The following WNK1 variants were observed in gnomAD, a reference collection of about 807,000 sequenced individuals.
WNK1 encodes serine/threonine-protein kinase WNK1.
A neutral mutation model predicts 222.8 loss-of-function variants in WNK1; 38 were observed. That is an observed-to-expected ratio of 0.17 (90% CI 0.13 to 0.22). WNK1 has a LOEUF of 0.22. Ranked by LOEUF, WNK1 falls within the 10% of genes least tolerant of loss-of-function variation. The pLI, the probability that WNK1 is intolerant of heterozygous loss-of-function variation, is 1.00. For missense variants in WNK1, 2,348 were observed against 2,918.4 expected, an observed-to-expected ratio of 0.80 and a Z score of 4.50; for synonymous variants, 1,090 against 1,092.9, an observed-to-expected ratio of 1.00 and a Z score of 0.05.
chr12:766,159 C>T (rs890990738), intron 1 of WNK1, among the ~76,000 whole-genome samples: 1 of 151,886 alleles, frequency 6.6e-6, no homozygotes, highest in Non-Finnish European at 1.5e-5. Flanking sequence ...GGTGATAAGG[C>T]GATAAGGTTA....
At chr12:799,048 T>A (rs181647473) in intron 1 of WNK1, among the ~76,000 whole-genome samples, 1 of 152,198 alleles carries the variant, frequency 6.6e-6, no homozygotes, top group South Asian at 2.1e-4. Context: ...TGTAACAACC[T>A]TCCCCCCGTC....
At chr12:865,483 C>T in intron 8 of WNK1, 2 of 1,309,240 alleles carry the variant, frequency 1.5e-6, no homozygotes, top group Non-Finnish European at 2.0e-6. Flanking sequence ...TATTATGCTT[C>T]TAGGATACCA....
At chr12:858,836 T>C (rs1208320680) in intron 5 of WNK1, among the ~76,000 whole-genome samples, 1 of 152,176 alleles carries the variant, frequency 6.6e-6, no homozygotes, top group African/African-American at 2.4e-5. Context: ...ACTTATAAAA[T>C]GCTATATAAA....
chr12:827,323 C>T lies in WNK1; in HGVS notation c.1153+61C>T, dbSNP rs771239498. ...TTCTCACATTCCTTTTATTTAGAAT[C>T]CTGGCTCTGTCAGAGTTTTAAGTGA... is the stretch of plus-strand genomic sequence containing the variant. On this transcript the variant is annotated intron_variant, in intron 3 of 27. Transcript: ENST00000315939. This position sits in a 1 kb window ranked among gnomAD's most constrained non-coding sequence, Gnocchi z 4.6. The T allele has an allele frequency of 2.1e-6, 3 of 1,444,234 alleles. No homozygotes were observed. The highest frequency in any genetic ancestry group is 4.5e-5 in the East Asian group (2 of 44,076). 89.5% of individuals were successfully genotyped at this position (1,444,234 alleles called of 1,614,324 possible).
chr12:884,675 G>A lies in WNK1; in HGVS notation c.3871G>A (p.Gly1291Arg). Reference sequence around the variant, plus strand: ...TGCTGCCTCTACAGCTCAGAGCCCTGGAATGAACTTGTCTCACTCTGCATC... The same window carrying A: ...TGCTGCCTCTACAGCTCAGAGCCCTAGAATGAACTTGTCTCACTCTGCATC... ...TVAASTAQSPGMNLSHSASSL... is the reference protein window; with the variant it reads ...TVAASTAQSPRMNLSHSASSL... Residue 1291 changes from glycine to arginine, a missense_variant, in exon 19 of 28, where the codon GGA (glycine) becomes AGA (arginine). Physicochemically the swap from Gly to Arg is moderately radical, Grantham distance 125. Around this residue, in one of 13 missense-constraint regions of WNK1, gnomAD observed 1,144 missense variants for 1,273.6 expected, o/e 0.90. Coordinates refer to ENST00000315939, the MANE Select transcript of WNK1 (RefSeq NM_018979.4). This position sits in a 1 kb window ranked among gnomAD's most constrained non-coding sequence, Gnocchi z 5.6. 6.2e-7 allele frequency: 1 copy of A among 1,614,124 alleles called. No individual in the cohort carries two copies. Among genetic ancestry groups the A allele is most frequent in the South Asian group, 1.1e-5 (1 of 91,078 alleles).
intron 1 of WNK1, among the ~76,000 whole-genome samples, chr12:785,994 T>C (rs1441338195): frequency 6.6e-6 from 1 of 152,218 alleles, no homozygotes; most frequent in Non-Finnish European, 1.5e-5. Flanking sequence ...AGATCCCTAG[T>C]TTTATATGCC....
At chr12:870,376 A>G (rs1184579787) in intron 8 of WNK1, among the ~76,000 whole-genome samples, 1 of 152,234 alleles carries the variant, frequency 6.6e-6, no homozygotes, top group Non-Finnish European at 1.5e-5. Flanking sequence ...TAGACATACT[A>G]CAGAAGGAAT....
At chr12:867,883 TC>T in intron 8 of WNK1, 1 of 1,614,000 alleles carries the variant, frequency 6.2e-7, no homozygotes, top group Non-Finnish European at 8.5e-7. Context: ...CCATGGCGCA[TC>T]CGTGTGGGGG....
intron 1 of WNK1, among the ~76,000 whole-genome samples, chr12:785,667 G>C (rs1303827826): frequency 6.6e-6 from 1 of 152,214 alleles, no homozygotes; most frequent in African/African-American, 2.4e-5. Context: ...AAAGTGCTGG[G>C]ATTACAAGCG....
chr12:784,437 G>A (rs1229799542), intron 1 of WNK1, among the ~76,000 whole-genome samples: 3 of 152,012 alleles, frequency 2.0e-5, no homozygotes, highest in East Asian at 1.9e-4. Flanking sequence ...TTTAATTTTT[G>A]CCTTTGATGT....
chr12:798,340 C>A (rs1399756737), intron 1 of WNK1, among the ~76,000 whole-genome samples: 1 of 152,020 alleles, frequency 6.6e-6, no homozygotes, highest in Non-Finnish European at 1.5e-5. Context: ...TACAGGCACC[C>A]TCCACCACGC....
rs1316363344 is a variant in WNK1, at chr12:909,625, G to A, written c.*833G>A. 6.6e-6 allele frequency: 1 copy of A among 152,150 alleles called. No homozygotes were observed. The highest frequency in any genetic ancestry group is 1.5e-5 in the Non-Finnish European group (1 of 68,034). The allele number at this position is 152,150 out of a possible 1,614,324, so 9.4% of individuals were successfully genotyped here. On this transcript the variant is annotated 3_prime_UTR_variant, in exon 28 of 28. Transcript: ENST00000315939. ...TCCATTGTATTAGATAAATAAATGT[G>A]AATGTAAAATTGTATAAATTACTGT...
chr12:897,229 T>C (rs1954831184), intron 24 of WNK1, among the ~76,000 whole-genome samples: 1 of 152,084 alleles, frequency 6.6e-6, no homozygotes, highest in Admixed American at 6.6e-5. Flanking sequence ...GCCTCAAAAG[T>C]CAGGAAATGT....
chr12:881,015 G>A lies in WNK1; in HGVS notation c.3111+16G>A, dbSNP rs1953106321. 6.2e-7 allele frequency: 1 copy of A among 1,613,918 alleles called. No homozygotes were observed. On this transcript the variant is annotated intron_variant, in intron 12 of 27. Transcript: ENST00000315939. ...AGTTTTGGAGGTAAATAGAATTACT[G>A]CATGTTTATATGTAAAACGTATATA...
At position 763,602 on chromosome 12, in the gene WNK1, A is replaced by G. The variant is rs1941321562; in HGVS notation, c.759+9278A>G. ...GAAACTCTGTCTCAAAAAAAAAAGA[A>G]AAAGTTATGAATTGTTTATTTCTGG... is the stretch of plus-strand genomic sequence containing the variant. On this transcript the variant is annotated intron_variant, in intron 1 of 27. Transcript: ENST00000315939. Among the ~76,000 whole-genome samples, 3 of 147,122 alleles carry G rather than the reference A, an allele frequency of 2.0e-5. 1 individual carries two copies. In the South Asian group the frequency reaches 6.7e-4, roughly 33 times the overall value.
rs528625380 is a variant in WNK1, at chr12:879,338, T to C, written c.2374-235T>C. 1.6e-4 allele frequency among the ~76,000 whole-genome samples: 25 copies of C among 152,056 alleles called. No homozygotes were observed. In the South Asian group the frequency reaches 3.3e-3, roughly 20 times the overall value. On this transcript the variant is annotated intron_variant, in intron 10 of 27. Transcript: ENST00000315939. ...GCAAATATTTCTATGACAAAAGGTG[T>C]AGAACAGTAATAGTCTATTTAGCCT...
At chr12:857,352 G>C in intron 5 of WNK1, 103 bp downstream of exon 5, 2 of 1,097,854 alleles carry the variant, frequency 1.8e-6, no homozygotes, top group South Asian at 2.6e-5. Flanking sequence ...ATTTGTGATT[G>C]GTTTCTCTAT....
At position 881,893 on chromosome 12, in the gene WNK1, T is replaced by C. The variant is rs79776602; in HGVS notation, c.3210-18T>C. On this transcript the variant is annotated intron_variant, in intron 13 of 27. Transcript: ENST00000315939. ...TCATATTATAAACTGCACTTTTTTT[T>C]CTTTTTAAATTTCAAAGTGCACATT... The C allele has an allele frequency of 3.7e-5, 59 of 1,614,034 alleles. No homozygotes were observed. In the East Asian group the frequency reaches 1.3e-3, roughly 35 times the overall value.
intron 1 of WNK1, among the ~76,000 whole-genome samples, chr12:771,340 CTTG>C (rs1474356724): frequency 6.6e-6 from 1 of 151,914 alleles, no homozygotes; most frequent in Non-Finnish European, 1.5e-5. Context: ...GCTCCTTAAG[CTTG>C]TTAATTAATT....
Sources: gnomAD v4.1 joint callset for allele counts (sites outside exome capture counted in the v4.1 genomes callset) on GRCh38, gnomAD v4.1.1 for gene constraint, gnomAD v4.1.1 regional missense constraint, Gnocchi (gnomAD v3.1) non-coding constraint, MANE v1.5 for transcripts, NCBI Gene and HGNC (gene_info 2026-07-23, HGNC 2026-07-21) for gene names.